XDH: variants seen among roughly 807,000 people sequenced by gnomAD.
The protein encoded by XDH is xanthine dehydrogenase/oxidase.
A neutral mutation model predicts 156.1 loss-of-function variants in XDH; 138 were observed. That is an observed-to-expected ratio of 0.88 (90% CI 0.77 to 1.02). The LOEUF is 1.02. XDH is among the 50% of genes least tolerant of loss of function. The probability of loss-of-function intolerance (pLI) is 0.00; values close to 1 mark genes in which losing one functional copy is unlikely to be tolerated. For missense variants in XDH, 1,849 were observed against 1,684.9 expected (o/e 1.10, Z -1.71); for synonymous variants, 669 against 625.7 (o/e 1.07, Z -1.03).
At chr2:31,385,199 G>GA (rs45548143) in intron 9 of XDH, among the ~76,000 whole-genome samples, 2,419 of 150,290 alleles carry the variant, frequency 0.016, 73 homozygotes, top group African/African-American at 0.056. Context: ...TGTCTTTGAG[G>GA]AAAAAAAAAG....
intron 6 of XDH, among the ~76,000 whole-genome samples, chr2:31,390,673 ATGT>A (rs1316749871): frequency 1.3e-5 from 2 of 152,132 alleles, no homozygotes; most frequent in African/African-American, 2.4e-5. Context: ...CCAGAATCTG[ATGT>A]TGTCAGTGTT....
intron 35 of XDH, 24 bp downstream of exon 35, chr2:31,337,617 G>A (rs567054722): frequency 1.2e-6 from 2 of 1,613,422 alleles, no homozygotes; most frequent in Non-Finnish European, 1.7e-6. Context: ...CCTGGACTGA[G>A]TGGATGCTTG....
intron 1 of XDH, among the ~76,000 whole-genome samples, chr2:31,410,857 T>C (rs564035270): frequency 6.6e-6 from 1 of 152,344 alleles, no homozygotes; most frequent in Admixed American, 6.5e-5. Flanking sequence ...GGCGTAATCT[T>C]GGATTCCGGG....
At chr2:31,406,912 G>A (rs556060099) in intron 1 of XDH, among the ~76,000 whole-genome samples, 123 of 152,254 alleles carry the variant, frequency 8.1e-4, no homozygotes, top group African/African-American at 2.9e-3. Context: ...TCAAACCAAA[G>A]ATCCATCACT....
chr2:31,405,501 T>C (rs1687169120), intron 2 of XDH, among the ~76,000 whole-genome samples: 1 of 152,028 alleles, frequency 6.6e-6, no homozygotes, highest in African/African-American at 2.4e-5. Context: ...ACATGTTCCC[T>C]TGCTTCCCTC....
intron 11 of XDH, among the ~76,000 whole-genome samples, chr2:31,382,156 G>T (rs182497157): frequency 1.3e-5 from 2 of 152,272 alleles, no homozygotes; most frequent in Non-Finnish European, 1.5e-5. Context: ...CAAAAAAAAT[G>T]TAAGAAGAAT....
intron 6 of XDH, 111 bp downstream of exon 6, chr2:31,397,557 C>T: frequency 7.5e-7 from 1 of 1,333,772 alleles, no homozygotes; most frequent in South Asian, 1.2e-5. Context: ...AACTGGTCAT[C>T]TTATCATCAT....
At chr2:31,409,079 G>A (rs1373032648) in intron 1 of XDH, among the ~76,000 whole-genome samples, 2 of 152,124 alleles carry the variant, frequency 1.3e-5, no homozygotes, top group Admixed American at 6.5e-5. Flanking sequence ...ATTTGTGGGA[G>A]CTAAAAATCA....
At position 31,335,533 on chromosome 2, in the gene XDH, G is replaced by C; in HGVS notation, c.*425C>G. The stretch of plus-strand genomic sequence containing the variant: ...TTGCTGTTCATTGGTTTGAAGGCCA[G>C]GCTTTCACAGGAAGGCACACGATTT... On this transcript the variant is annotated 3_prime_UTR_variant, in exon 36 of 36. Coordinates refer to ENST00000379416, the MANE Select transcript of XDH (RefSeq NM_000379.4). 1 of 278,806 alleles carries C rather than the reference G, an allele frequency of 3.6e-6. No individual in the cohort carries two copies. The highest frequency in any genetic ancestry group is 4.1e-5 in the South Asian group (1 of 24,426). 17.3% of individuals were successfully genotyped at this position (278,806 alleles called of 1,614,324 possible). A position where few individuals can be genotyped will look rare whatever the true frequency, so the allele number is the denominator to read the frequency against.
At chr2:31,394,624 C>A (rs1420662807) in intron 6 of XDH, among the ~76,000 whole-genome samples, 2 of 152,078 alleles carry the variant, frequency 1.3e-5, no homozygotes, top group African/African-American at 2.4e-5. Flanking sequence ...AATATTGCTT[C>A]TTTTCCTTTC....
At chr2:31,398,396 T>G (rs745813926) in intron 5 of XDH, among the ~76,000 whole-genome samples, 177 bp downstream of exon 5, 3 of 151,964 alleles carry the variant, frequency 2.0e-5, no homozygotes, top group Non-Finnish European at 4.4e-5. Flanking sequence ...CAACCAGGAG[T>G]TCTCCCAAGT....
rs774263033 is a variant in XDH at position 31,401,335 on chromosome 2, C to T, written c.198-7G>A. The stretch of plus-strand genomic sequence containing the variant: ...GGCATTGGCAGAAAAGTGGCTAGAA[C>T]CCCAGATTAAGGTCATTCCATTTAT... On this transcript the variant is annotated splice_polypyrimidine_tract_variant and splice_region_variant and intron_variant, in intron 3 of 35. Coordinates refer to ENST00000379416, the MANE Select transcript of XDH (RefSeq NM_000379.4). The T allele has an allele frequency of 1.2e-6, 2 of 1,613,844 alleles. No individual in the cohort carries two copies. The highest frequency in any genetic ancestry group is 1.3e-5 in the African/African-American group (1 of 74,932).
chr2:31,378,395 C>T (rs1188352331), intron 13 of XDH, among the ~76,000 whole-genome samples: 1 of 152,146 alleles, frequency 6.6e-6, no homozygotes, highest in East Asian at 1.9e-4. Flanking sequence ...GGTCTGTACT[C>T]ACTCTGGCAC....
intron 26 of XDH, among the ~76,000 whole-genome samples, 169 bp downstream of exon 26, chr2:31,349,517 G>A (rs1210860136): frequency 6.6e-6 from 1 of 152,104 alleles, no homozygotes; most frequent in Non-Finnish European, 1.5e-5. Flanking sequence ...CACCTGCCCC[G>A]GGCTGAAGAT....
intron 31 of XDH, among the ~76,000 whole-genome samples, chr2:31,344,472 C>T (rs1245318071): frequency 6.6e-6 from 1 of 152,224 alleles, no homozygotes; most frequent in Non-Finnish European, 1.5e-5. Flanking sequence ...GGTCTTCTGA[C>T]ACACAGCTGG....
chr2:31,364,042 A>T (rs1380568358), intron 24 of XDH, 116 bp downstream of exon 24: 16 of 895,988 alleles, frequency 1.8e-5, no homozygotes, highest in Non-Finnish European at 3.0e-5. Flanking sequence ...GTGGGGACCC[A>T]TTAGGAGACT....
chr2:31,343,302 A>G (rs1178246286), intron 31 of XDH, among the ~76,000 whole-genome samples: 78 of 111,166 alleles, frequency 7.0e-4, no homozygotes, highest in Non-Finnish European at 9.3e-4. Flanking sequence ...ATATATATAT[A>G]TATATATATA....
At chr2:31,345,529 G>C (rs567452269) in intron 30 of XDH, among the ~76,000 whole-genome samples, 39 of 152,194 alleles carry the variant, frequency 2.6e-4, no homozygotes, top group African/African-American at 8.9e-4. Context: ...TGTCACACGC[G>C]CTATTTAGCA....
At chr2:31,369,244 T>C (rs1178075145) in intron 18 of XDH, among the ~76,000 whole-genome samples, 1 of 152,190 alleles carries the variant, frequency 6.6e-6, no homozygotes, top group Non-Finnish European at 1.5e-5. Context: ...TTAAGTATCA[T>C]GTCTTATACT....
Sources: allele counts gnomAD v4.1 joint callset (sites outside exome capture counted in the v4.1 genomes callset), GRCh38; gene constraint gnomAD v4.1.1; transcripts MANE v1.5; gene names NCBI Gene and HGNC (gene_info 2026-07-23, HGNC 2026-07-21).